Variants in RPS6KC1 observed in about 807,000 individuals in gnomAD.
RPS6KC1 encodes inactive ribosomal protein S6 kinase delta-1.
Under a neutral mutation model 103.8 loss-of-function variants are expected in RPS6KC1, and 54 were observed. The observed-to-expected ratio is 0.52, with a 90% CI of 0.42 to 0.65. The LOEUF (loss-of-function observed/expected upper bound fraction) is 0.65, where lower values mean the gene tolerates loss of function less well. Among genes scored for constraint, RPS6KC1 ranks in the 30% least tolerant of loss-of-function variants. The probability of loss-of-function intolerance (pLI) is 0.00; values close to 1 mark genes in which losing one functional copy is unlikely to be tolerated. For missense variants in RPS6KC1, 1,151 were observed against 1,253.8 expected (o/e 0.92, Z 1.24); for synonymous variants, 439 against 438.7 (o/e 1.00, Z -0.01).
the RPS6KC1 span, among the ~76,000 whole-genome samples, chr1:213,514,642 G>A: frequency 1.1e-3 from 161 of 152,118 alleles, no homozygotes; most frequent in African/African-American, 3.7e-3. Context: ...TTGGACATTT[G>A]GCTTGGTTCC....
At chr1:213,787,648 T>A in the RPS6KC1 span, among the ~76,000 whole-genome samples, 1 of 151,018 alleles carries the variant, frequency 6.6e-6, no homozygotes, top group African/African-American at 2.5e-5. Context: ...GCTAGGTGGA[T>A]AAGGAAGATG....
the RPS6KC1 span, among the ~76,000 whole-genome samples, chr1:213,815,297 CA>C: frequency 2.6e-5 from 4 of 152,092 alleles, no homozygotes; most frequent in African/African-American, 7.2e-5. Context: ...TTCTTCGATG[CA>C]GTGTGAGAAT....
chr1:213,785,989 A>G, the RPS6KC1 span, among the ~76,000 whole-genome samples: 1 of 152,184 alleles, frequency 6.6e-6, no homozygotes, highest in Non-Finnish European at 1.5e-5. Flanking sequence ...CCTTGGCATC[A>G]TTCTCTAGGG....
chr1:213,793,502 C>T, the RPS6KC1 span, among the ~76,000 whole-genome samples: 12 of 152,162 alleles, frequency 7.9e-5, no homozygotes, highest in Admixed American at 7.2e-4. Context: ...TCCCTTAAAA[C>T]AGGGCGTGAG....
the RPS6KC1 span, among the ~76,000 whole-genome samples, chr1:213,315,994 T>G: frequency 6.6e-6 from 1 of 152,250 alleles, no homozygotes; most frequent in Non-Finnish European, 1.5e-5. Context: ...ACTTCTTTAT[T>G]CAGGAGGTGA....
the RPS6KC1 span, among the ~76,000 whole-genome samples, chr1:213,359,591 C>T: frequency 1.3e-5 from 2 of 152,082 alleles, no homozygotes; most frequent in Non-Finnish European, 2.9e-5. Flanking sequence ...GAATTTGATC[C>T]TGTCATTATG....
intron 8 of RPS6KC1, among the ~76,000 whole-genome samples, chr1:213,187,371 A>G (rs2148430564): frequency 6.6e-6 from 1 of 151,054 alleles, no homozygotes; most frequent in East Asian, 1.9e-4. Context: ...CAGCCTCCCA[A>G]GTAGCTGAGA....
chr1:213,329,463 G>A, the RPS6KC1 span, among the ~76,000 whole-genome samples: 2 of 152,156 alleles, frequency 1.3e-5, no homozygotes, highest in Non-Finnish European at 2.9e-5. Context: ...TTTGGAGAAT[G>A]GCAGTTGTCT....
rs751436011 is a variant in RPS6KC1 at position 213,232,295 on chromosome 1, T to C, written c.1225+40T>C. Reference sequence around the variant, plus strand: ...TGGATTGTTTATGCAGTGAAGAATGTCACCTACTTAGCTTCCAGTTTCTCT... The same window carrying C: ...TGGATTGTTTATGCAGTGAAGAATGCCACCTACTTAGCTTCCAGTTTCTCT... On this transcript the variant is annotated intron_variant, in intron 10 of 14. Transcript: ENST00000366960. The C allele has an allele frequency of 3.1e-6, 5 of 1,612,126 alleles. No homozygotes were observed. The South Asian group carries it at 5.5e-5, about 18-fold the overall frequency.
chr1:213,453,829 T>G, the RPS6KC1 span, among the ~76,000 whole-genome samples: 13 of 152,210 alleles, frequency 8.5e-5, no homozygotes, highest in African/African-American at 3.1e-4. Flanking sequence ...TAGTTGGCCC[T>G]TGAACAACAC....
At chr1:213,165,745 C>T (rs2090908554) in intron 6 of RPS6KC1, among the ~76,000 whole-genome samples, 2 of 152,030 alleles carry the variant, frequency 1.3e-5, no homozygotes. Flanking sequence ...TTAGTAGAGA[C>T]TGGGTTTTGC....
At chr1:213,542,354 G>C in the RPS6KC1 span, among the ~76,000 whole-genome samples, 1 of 152,194 alleles carries the variant, frequency 6.6e-6, no homozygotes, top group East Asian at 1.9e-4. Flanking sequence ...ATGTCCTGCA[G>C]GGAGCAGAGT....
chr1:213,549,080 A>G, the RPS6KC1 span, among the ~76,000 whole-genome samples: 1 of 152,150 alleles, frequency 6.6e-6, no homozygotes, highest in Non-Finnish European at 1.5e-5. Context: ...CATTTCCCCC[A>G]GTGGGAGTCC....
chr1:213,657,627 T>A, the RPS6KC1 span, among the ~76,000 whole-genome samples: 1 of 152,204 alleles, frequency 6.6e-6, no homozygotes. Context: ...ATTAGAGAAT[T>A]CAATTCCAGG....
the RPS6KC1 span, among the ~76,000 whole-genome samples, chr1:213,746,323 T>G: frequency 1.3e-5 from 2 of 152,142 alleles, no homozygotes; most frequent in Admixed American, 6.5e-5. Context: ...GACTCAGCTG[T>G]GCAGGGATAC....
the RPS6KC1 span, among the ~76,000 whole-genome samples, chr1:213,289,666 C>T: frequency 6.6e-6 from 1 of 152,216 alleles, no homozygotes. Context: ...GCAGACTTGA[C>T]CAAGGAGGCA....
chr1:213,199,295 C>T (rs184481238), intron 8 of RPS6KC1, among the ~76,000 whole-genome samples: 14 of 152,230 alleles, frequency 9.2e-5, no homozygotes, highest in Middle Eastern at 3.4e-3. Flanking sequence ...TTATCCACCA[C>T]GATCAAGTAG....
the RPS6KC1 span, among the ~76,000 whole-genome samples, chr1:213,837,115 T>C: frequency 0.12 from 18,329 of 152,170 alleles, 2,142 homozygotes; most frequent in African/African-American, 0.3. Flanking sequence ...CCAGCTCCCA[T>C]CTCTGCTGTG....
chr1:213,117,580 T>C (rs986676757), intron 5 of RPS6KC1, among the ~76,000 whole-genome samples, 170 bp downstream of exon 5: 32 of 152,094 alleles, frequency 2.1e-4, no homozygotes, highest in African/African-American at 7.5e-4. Context: ...GTGCATGATA[T>C]TGGGTCAGGC....
Sources: gnomAD v4.1 joint callset for allele counts (sites outside exome capture counted in the v4.1 genomes callset) on GRCh38, gnomAD v4.1.1 for gene constraint, MANE v1.5 for transcripts, NCBI Gene and HGNC (gene_info 2026-07-23, HGNC 2026-07-21) for gene names.